UBE3C: variants seen among roughly 807,000 people sequenced by gnomAD.
The protein encoded by UBE3C is ubiquitin protein ligase E3C, also known as ubiquitin-protein ligase E3C.
Under a neutral mutation model 129.4 loss-of-function variants are expected in UBE3C, and 42 were observed. That is an observed-to-expected ratio of 0.32 (90% CI 0.25 to 0.42). The LOEUF is 0.42. Among genes scored for constraint, UBE3C ranks in the 10% least tolerant of loss-of-function variants. The probability of loss-of-function intolerance (pLI) is 1.00; values close to 1 mark genes in which losing one functional copy is unlikely to be tolerated. For synonymous variants in UBE3C, 510 were observed against 492.4 expected, an observed-to-expected ratio of 1.04 and a Z score of -0.47; for missense variants, 1,049 against 1,319.1, an observed-to-expected ratio of 0.80 and a Z score of 3.17.
chr7:157,236,951 C>T (rs112366130), intron 18 of UBE3C, among the ~76,000 whole-genome samples: 5,188 of 152,062 alleles, frequency 0.034, 268 homozygotes, highest in African/African-American at 0.12. Flanking sequence ...AAGCTGGTCT[C>T]GAAATCCTGA....
At chr7:157,255,221 A>G (rs1563076796) in intron 21 of UBE3C, among the ~76,000 whole-genome samples, 1 of 152,206 alleles carries the variant, frequency 6.6e-6, no homozygotes, top group Admixed American at 6.5e-5. Flanking sequence ...TAAGCACACA[A>G]TAACGATGTT....
At chr7:157,189,015 A>G in intron 10 of UBE3C, 1 of 558,990 alleles carries the variant, frequency 1.8e-6, no homozygotes, top group Non-Finnish European at 3.3e-6. Flanking sequence ...AGATGCGTAC[A>G]TGAAAACCGG....
chr7:157,184,011 C>G lies in UBE3C; in HGVS notation c.1125C>G (p.Ala375=), dbSNP rs746804527. 17 of 1,614,072 alleles carry G rather than the reference C, an allele frequency of 1.1e-5. No individual in the cohort carries two copies. The highest frequency in any genetic ancestry group is 1.4e-5 in the Non-Finnish European group (17 of 1,179,998). ...ASDSEEESEE[A]DKPSSPEDGR... ...ACTCTGAGGAGGAGAGTGAAGAAGC[C>G]GACAAGCCCTCAAGCCCGGTAAGCC... Residue 375 remains alanine, a synonymous_variant, in exon 9 of 23, where the codon GCC becomes GCG. Transcript: ENST00000348165.
intron 22 of UBE3C, among the ~76,000 whole-genome samples, chr7:157,264,582 C>A (rs1027466952): frequency 6.6e-6 from 1 of 152,118 alleles, no homozygotes; most frequent in Non-Finnish European, 1.5e-5. Context: ...TACACACACA[C>A]AAACATATAT....
rs891677917 is a variant in UBE3C at position 157,224,416 on chromosome 7, G to A, written c.2101-991G>A. Among the ~76,000 whole-genome samples the A allele has an allele frequency of 5.3e-5, 8 of 152,034 alleles. No individual in the cohort carries two copies. In the East Asian group the frequency reaches 5.8e-4, roughly 11 times the overall value. On this transcript the variant is annotated intron_variant, in intron 16 of 22. Transcript: ENST00000348165. Reference sequence around the variant, plus strand: ...TCGCCGTGTTAGCCAGGATGGTCTCGATCTCCTGACCTCGTGATCTGCCTG... The same window carrying A: ...TCGCCGTGTTAGCCAGGATGGTCTCAATCTCCTGACCTCGTGATCTGCCTG...
At chr7:157,226,541 G>A (rs1795884571) in intron 17 of UBE3C, among the ~76,000 whole-genome samples, 1 of 152,220 alleles carries the variant, frequency 6.6e-6, no homozygotes, top group African/African-American at 2.4e-5. Flanking sequence ...AAGGTGATGA[G>A]TTGTCCAATG....
intron 1 of UBE3C, among the ~76,000 whole-genome samples, chr7:157,156,333 G>A (rs992766122): frequency 3.3e-5 from 4 of 122,462 alleles, no homozygotes; most frequent in African/African-American, 1.3e-4. Context: ...TTGAGACAGA[G>A]TCCTGCTCTG....
At chr7:157,171,652 T>A (rs1281561891) in intron 4 of UBE3C, among the ~76,000 whole-genome samples, 1 of 139,636 alleles carries the variant, frequency 7.2e-6, no homozygotes, top group Non-Finnish European at 1.6e-5. Context: ...TATACATTTT[T>A]AAATATTTTA....
chr7:157,212,885 G>A (rs564312427), intron 13 of UBE3C, among the ~76,000 whole-genome samples: 1 of 152,170 alleles, frequency 6.6e-6, no homozygotes, highest in African/African-American at 2.4e-5. Context: ...GGCCTCCTGA[G>A]TAGCTGGGAC....
At chr7:157,169,444 C>T (rs951841955) in intron 3 of UBE3C, among the ~76,000 whole-genome samples, 8 of 151,064 alleles carry the variant, frequency 5.3e-5, no homozygotes, top group Admixed American at 2.0e-4. Flanking sequence ...GGCATGATCT[C>T]GGCTCACTGC....
intron 14 of UBE3C, among the ~76,000 whole-genome samples, chr7:157,220,353 GATA>G (rs1472613446): frequency 5.3e-5 from 8 of 152,016 alleles, no homozygotes; most frequent in Middle Eastern, 3.4e-3. Flanking sequence ...GTGAATTTTT[GATA>G]ATAATAACTT....
chr7:157,203,014 G>T (rs1809333842), intron 11 of UBE3C, among the ~76,000 whole-genome samples: 1 of 152,182 alleles, frequency 6.6e-6, no homozygotes, highest in Non-Finnish European at 1.5e-5. Context: ...AACTCTTGTT[G>T]AGATTTCTGG....
chr7:157,153,699 C>A (rs747004745), intron 1 of UBE3C, among the ~76,000 whole-genome samples: 2 of 152,068 alleles, frequency 1.3e-5, no homozygotes, highest in Non-Finnish European at 2.9e-5. Flanking sequence ...CAGTCAGTGG[C>A]CTTTTTAAAA....
chr7:157,245,539 G>A (rs1346576572), intron 18 of UBE3C, among the ~76,000 whole-genome samples: 1 of 152,150 alleles, frequency 6.6e-6, no homozygotes, highest in Non-Finnish European at 1.5e-5. Context: ...TACATTATCA[G>A]GAGATGATGA....
intron 1 of UBE3C, among the ~76,000 whole-genome samples, chr7:157,160,210 G>A (rs1586652148): frequency 6.6e-6 from 1 of 152,094 alleles, no homozygotes; most frequent in South Asian, 2.1e-4. Context: ...AAGTAGCTGA[G>A]ACTACAGGTG....
intron 1 of UBE3C, among the ~76,000 whole-genome samples, chr7:157,148,763 G>C (rs1807676582): frequency 6.9e-6 from 1 of 143,984 alleles, no homozygotes; most frequent in Admixed American, 7.0e-5. Context: ...TTAAGAGACA[G>C]GGCCTCACTG....
At chr7:157,245,864 G>A (rs1182390) in intron 18 of UBE3C, among the ~76,000 whole-genome samples, 94,662 of 151,816 alleles carry the variant, frequency 0.62, 29,835 homozygotes, top group South Asian at 0.66. Flanking sequence ...GGTGGTGCAC[G>A]CCTGTAGTCC....
At chr7:157,198,683 C>A (rs963185409) in intron 10 of UBE3C, among the ~76,000 whole-genome samples, 1 of 152,044 alleles carries the variant, frequency 6.6e-6, no homozygotes, top group Non-Finnish European at 1.5e-5. Context: ...TACAGGCATG[C>A]GCCACCACAC....
At chr7:157,225,277 A>G in intron 16 of UBE3C, 130 bp from the exon 17 acceptor site, 2 of 1,012,850 alleles carry the variant, frequency 2.0e-6, no homozygotes, top group Non-Finnish European at 2.8e-6. Context: ...TCAAGATTTG[A>G]TACCTTGACT....
Sources: gnomAD v4.1 joint callset for allele counts (sites outside exome capture counted in the v4.1 genomes callset) on GRCh38, gnomAD v4.1.1 for gene constraint, MANE v1.5 for transcripts, NCBI Gene and HGNC (gene_info 2026-07-23, HGNC 2026-07-21) for gene names.